ACVR1: variants seen among roughly 807,000 people sequenced by gnomAD.
The protein encoded by ACVR1 is activin A receptor type 1, also known as activin receptor type-1.
ACVR1 carries 38 observed loss-of-function variants against 57.1 expected under a neutral mutation model. The ratio of observed to expected loss-of-function variants is 0.67; its 90% CI spans 0.51 to 0.87. The LOEUF is 0.87. Ranked by LOEUF, ACVR1 falls within the 40% of genes least tolerant of loss-of-function variation. The probability of loss-of-function intolerance (pLI) is 0.00; values close to 1 mark genes in which losing one functional copy is unlikely to be tolerated. For synonymous variants in ACVR1, 212 were observed against 228.1 expected (o/e 0.93, Z 0.63); for missense variants, 463 against 638.2 (o/e 0.73, Z 2.96).
intron 3 of ACVR1, among the ~76,000 whole-genome samples, chr2:157,788,892 C>CT (rs1686810514): frequency 6.6e-6 from 1 of 152,124 alleles, no homozygotes; most frequent in Non-Finnish European, 1.5e-5. Context: ...TCCCAAGGCC[C>CT]TACCAAGTCC....
chr2:157,744,386 C>T (rs1220279883), intron 9 of ACVR1, among the ~76,000 whole-genome samples: 12 of 152,148 alleles, frequency 7.9e-5, no homozygotes, highest in East Asian at 3.8e-4. Flanking sequence ...AGGTGTGGCA[C>T]GTGAGAAAAT....
At chr2:157,813,750 TA>T (rs1409931311) in intron 2 of ACVR1, among the ~76,000 whole-genome samples, 7 of 152,230 alleles carry the variant, frequency 4.6e-5, no homozygotes, top group Admixed American at 4.6e-4. Context: ...GAAGAAAAAA[TA>T]AACTTTTGTG....
At chr2:157,848,598 G>C (rs1256809248) in intron 1 of ACVR1, among the ~76,000 whole-genome samples, 1 of 152,164 alleles carries the variant, frequency 6.6e-6, no homozygotes, top group African/African-American at 2.4e-5. Flanking sequence ...ACAATAAAAT[G>C]GTTGTCGTTT....
intron 3 of ACVR1, among the ~76,000 whole-genome samples, chr2:157,795,601 G>C (rs941175080): frequency 6.6e-6 from 1 of 151,960 alleles, no homozygotes; most frequent in Non-Finnish European, 1.5e-5. Context: ...CCTAATGGTG[G>C]TGGTATATTA....
rs528700399 is a variant in ACVR1 at position 157,794,569 on chromosome 2, CACCA to C, written c.67+4854_67+4857del. ...ACTGATAATGACTGGAGCTCTTGAACACCATTCCTCAAAGTATATGATGCCTTTT... is the reference window on the plus strand; with the variant it reads ...ACTGATAATGACTGGAGCTCTTGAACTTCCTCAAAGTATATGATGCCTTTT... On this transcript the variant is annotated intron_variant, in intron 3 of 10. Coordinates refer to ENST00000434821, the MANE Select transcript of ACVR1 (RefSeq NM_001111067.4). Among the ~76,000 whole-genome samples the C allele has an allele frequency of 2.2e-3, 333 of 152,206 alleles. 2 individuals are homozygous for C. The highest frequency in any genetic ancestry group is 3.6e-3 in the Non-Finnish European group (242 of 67,978).
At chr2:157,810,425 A>G (rs1332361301) in intron 2 of ACVR1, among the ~76,000 whole-genome samples, 1 of 152,212 alleles carries the variant, frequency 6.6e-6, no homozygotes, top group African/African-American at 2.4e-5. Flanking sequence ...TTCTTTCTCA[A>G]GGATGGGCCA....
At chr2:157,808,059 CTG>C (rs1456395894) in intron 2 of ACVR1, among the ~76,000 whole-genome samples, 1 of 152,166 alleles carries the variant, frequency 6.6e-6, no homozygotes, top group Non-Finnish European at 1.5e-5. Context: ...AAGCCCATTC[CTG>C]TCTCAGACCT....
chr2:157,847,249 T>C (rs904141428), intron 1 of ACVR1, among the ~76,000 whole-genome samples: 4 of 152,230 alleles, frequency 2.6e-5, no homozygotes, highest in Non-Finnish European at 4.4e-5. Flanking sequence ...AAAACTTCAA[T>C]TTCCTTTTAT....
intron 9 of ACVR1, among the ~76,000 whole-genome samples, chr2:157,750,032 C>T (rs74821064): frequency 0.017 from 2,592 of 152,290 alleles, 67 homozygotes; most frequent in African/African-American, 0.056. Flanking sequence ...TGAGCCCGCC[C>T]AGCCTGCTAG....
chr2:157,804,052 TACA>T (rs1687428333), intron 2 of ACVR1, among the ~76,000 whole-genome samples: 1 of 152,210 alleles, frequency 6.6e-6, no homozygotes, highest in Non-Finnish European at 1.5e-5. Flanking sequence ...TTCATTCTGT[TACA>T]ACATGTACTG....
intron 3 of ACVR1, among the ~76,000 whole-genome samples, chr2:157,797,765 C>T (rs1687173341): frequency 1.3e-5 from 2 of 152,156 alleles, no homozygotes; most frequent in Admixed American, 1.3e-4. Flanking sequence ...TGGTGCCACA[C>T]AACTAAGAAT....
chr2:157,865,008 CCAGA>C (rs1426535360), intron 1 of ACVR1, among the ~76,000 whole-genome samples: 3 of 149,406 alleles, frequency 2.0e-5, no homozygotes. Flanking sequence ...AAAGCACACA[CCAGA>C]CATAGTGCTT....
intron 2 of ACVR1, 62 bp from the exon 3 acceptor site, chr2:157,799,562 T>C: frequency 1.5e-6 from 2 of 1,300,200 alleles, no homozygotes; most frequent in East Asian, 2.3e-5. Flanking sequence ...GAAGACAAAT[T>C]AAGCATACCA....
chr2:157,842,097 G>C (rs1019527611), intron 1 of ACVR1, among the ~76,000 whole-genome samples: 2 of 151,828 alleles, frequency 1.3e-5, no homozygotes, highest in African/African-American at 4.8e-5. Flanking sequence ...CTACTTTAGG[G>C]GGAGTCATTC....
At chr2:157,743,144 C>T (rs1684842171) in intron 9 of ACVR1, among the ~76,000 whole-genome samples, 1 of 152,168 alleles carries the variant, frequency 6.6e-6, no homozygotes, top group South Asian at 2.1e-4. Context: ...TACCAACTGT[C>T]ATCGTGGTCA....
At chr2:157,778,029 T>C in intron 5 of ACVR1, 102 bp downstream of exon 5, 3 of 1,221,590 alleles carry the variant, frequency 2.5e-6, no homozygotes, top group South Asian at 1.3e-5. Flanking sequence ...GTGTGTACAC[T>C]GTTCAGTCAC....
intron 2 of ACVR1, among the ~76,000 whole-genome samples, chr2:157,800,368 C>A (rs1464283458): frequency 6.6e-6 from 1 of 152,108 alleles, no homozygotes; most frequent in Non-Finnish European, 1.5e-5. Context: ...TGGCTCACAG[C>A]TGTAATCCCA....
chr2:157,811,543 C>A (rs898183291), intron 2 of ACVR1, among the ~76,000 whole-genome samples: 3 of 152,100 alleles, frequency 2.0e-5, no homozygotes, highest in Admixed American at 2.0e-4. Context: ...CAACATTCTA[C>A]CCCCAGTTTC....
intron 4 of ACVR1, among the ~76,000 whole-genome samples, chr2:157,779,548 G>A (rs1366108697): frequency 2.0e-5 from 3 of 152,070 alleles, no homozygotes; most frequent in Admixed American, 6.6e-5. Context: ...GATGCTCGTC[G>A]TTACCTCTCC....
Sources: gnomAD v4.1 joint callset for allele counts (sites outside exome capture counted in the v4.1 genomes callset) on GRCh38, gnomAD v4.1.1 for gene constraint, MANE v1.5 for transcripts, NCBI Gene and HGNC (gene_info 2026-07-23, HGNC 2026-07-21) for gene names.